Variants in RRM2 observed in about 807,000 individuals in gnomAD.
RRM2 encodes ribonucleotide reductase regulatory subunit M2, also known as ribonucleoside-diphosphate reductase subunit M2.
A neutral mutation model predicts 45.9 loss-of-function variants in RRM2; 6 were observed. The observed-to-expected ratio is 0.13, with a 90% CI of 0.07 to 0.26. The LOEUF is 0.26. Ranked by LOEUF, RRM2 falls within the 10% of genes least tolerant of loss-of-function variation. The pLI is 1.00. For synonymous variants in RRM2, 177 were observed against 173.0 expected (o/e 1.02, Z -0.18); for missense variants, 343 against 489.5 (o/e 0.70, Z 2.82).
intron 3 of RRM2, among the ~76,000 whole-genome samples, chr2:10,190,587 ATGGTGG>A (rs1251873238): frequency 1.3e-4 from 20 of 148,368 alleles, no homozygotes; most frequent in African/African-American, 3.8e-4. Context: ...GATCATGGTG[ATGGTGG>A]TGATGTTGGC....
intron 3 of RRM2, among the ~76,000 whole-genome samples, chr2:10,147,492 G>A (rs988785867): frequency 6.6e-6 from 1 of 151,374 alleles, no homozygotes; most frequent in South Asian, 2.1e-4. Flanking sequence ...TGTTGCCCAG[G>A]CAACAAGCAA....
chr2:10,135,351 T>C (rs562654792), downstream of RRM2, among the ~76,000 whole-genome samples: 1 of 152,276 alleles, frequency 6.6e-6, no homozygotes, highest in African/African-American at 2.4e-5. Context: ...TAATGGACGC[T>C]GCAGAGGGAT....
intron 3 of RRM2, among the ~76,000 whole-genome samples, chr2:10,207,741 C>G (rs932734602): frequency 2.6e-5 from 4 of 152,164 alleles, no homozygotes; most frequent in Non-Finnish European, 4.4e-5. Context: ...CAGCTCTCCC[C>G]CATTAAATGT....
In RRM2 at chr2:10,199,800, A is replaced by AAAC. The variant is rs1553329434; in HGVS notation, n.483-10509_483-10508insCAA. Among the ~76,000 whole-genome samples, 142 of 97,878 alleles carry AAAC rather than the reference A, an allele frequency of 1.5e-3. 13 individuals carry two copies. Among genetic ancestry groups the AAAC allele is most frequent in the African/African-American group, 5.1e-3 (126 of 24,806 alleles). 64.2% of individuals were successfully genotyped at this position (97,878 alleles called of 152,430 possible). ...GTCTCAAAAAAAAAAAAAAAAAAAA[A>AAAC]AAAAAAAAACAAATCATGGTATGAC... On this transcript the variant is annotated intron_variant and non_coding_transcript_variant, in intron 3 of 3. Coordinates refer to the RRM2 transcript ENST00000381786.
intron 3 of RRM2, among the ~76,000 whole-genome samples, chr2:10,164,043 AAT>A (rs559201243): frequency 1.4e-3 from 213 of 151,756 alleles, no homozygotes; most frequent in Middle Eastern, 3.4e-3. Flanking sequence ...TGTGAGTGTG[AAT>A]ATGTGTGTGT....
intron 5 of RRM2, 62 bp downstream of exon 5, chr2:10,124,912 T>C: frequency 6.8e-7 from 1 of 1,480,970 alleles, no homozygotes; most frequent in Non-Finnish European, 9.2e-7. Flanking sequence ...TTATTACACA[T>C]TTTTAGTTCA....
Position 10,127,025 on chromosome 2 carries a change from C to T in RRM2, c.664+56C>T. On this transcript the variant is annotated intron_variant, in intron 6 of 9. Transcript: ENST00000304567. This position sits in a 1 kb window ranked among gnomAD's most constrained non-coding sequence, Gnocchi z 4.1. The stretch of plus-strand genomic sequence containing the variant: ...GAGCTTCATTTTCCAAGTAATGTTA[C>T]TGGATTTTTGGCCCTTGAATACCAA... 1 of 1,610,858 alleles carries T rather than the reference C, an allele frequency of 6.2e-7. No homozygotes were observed. Among genetic ancestry groups the T allele is most frequent in the Non-Finnish European group, 8.5e-7 (1 of 1,177,344 alleles).
chr2:10,137,395 T>C (rs937559706), upstream of RRM2, among the ~76,000 whole-genome samples: 22 of 152,250 alleles, frequency 1.4e-4, no homozygotes, highest in Admixed American at 6.5e-5. Flanking sequence ...GGTTTGGTCA[T>C]GCCTACACTC....
At chr2:10,207,877 C>T (rs1664693548) in intron 3 of RRM2, among the ~76,000 whole-genome samples, 1 of 149,784 alleles carries the variant, frequency 6.7e-6, no homozygotes. Flanking sequence ...AAAAGCCTTC[C>T]TCTCCTTTGG....
chr2:10,145,643 C>T lies in RRM2; in HGVS notation n.482+3268C>T, dbSNP rs141584925. ...CAGACAGTGGGCCTGGGGCAGACCCCAGGGACTCCGCAGTGAAGACCCCAC... is the reference window on the plus strand; with the variant it reads ...CAGACAGTGGGCCTGGGGCAGACCCTAGGGACTCCGCAGTGAAGACCCCAC... On this transcript the variant is annotated intron_variant and non_coding_transcript_variant, in intron 3 of 3. Coordinates refer to the RRM2 transcript ENST00000381786. 5.1e-3 allele frequency: 779 copies of T among 152,290 alleles called. 9 individuals carry two copies. Among genetic ancestry groups the T allele is most frequent in the Middle Eastern group, 0.024 (7 of 292 alleles). The allele number at this position is 152,290 out of a possible 1,614,324, so 9.4% of individuals were successfully genotyped here.
At position 10,172,286 on chromosome 2, in the gene RRM2, G is replaced by A. The variant is rs1253815132; in HGVS notation, n.482+29911G>A. Among the ~76,000 whole-genome samples the A allele has an allele frequency of 6.6e-6, 1 of 152,158 alleles. No homozygotes were observed. On this transcript the variant is annotated intron_variant and non_coding_transcript_variant, in intron 3 of 3. Coordinates refer to the RRM2 transcript ENST00000381786. This position sits in a 1 kb window ranked among gnomAD's most constrained non-coding sequence, Gnocchi z 4.9. ...GTCGGATGAGATGAAGGAGGCTGGGGCTGGCACCGTGGTGGTCCCTGGGCT... is the reference window on the plus strand; with the variant it reads ...GTCGGATGAGATGAAGGAGGCTGGGACTGGCACCGTGGTGGTCCCTGGGCT...
At chr2:10,124,276 C>G (rs1396926542) in intron 4 of RRM2, among the ~76,000 whole-genome samples, 1 of 152,026 alleles carries the variant, frequency 6.6e-6, no homozygotes, top group Admixed American at 6.6e-5. Context: ...TAGCTAATAT[C>G]TGTATTTTTA....
rs149411413 is a variant in RRM2, at chr2:10,205,318, G to A, written n.483-4993G>A. ...TGTGATATCTGCGGCCAGTGCCCTC[G>A]GTATGTCCCACTCAGCATCCTCCCC... On this transcript the variant is annotated intron_variant and non_coding_transcript_variant, in intron 3 of 3. Transcript: ENST00000381786. This position sits in a 1 kb window ranked among gnomAD's most constrained non-coding sequence, Gnocchi z 4.8. 4.6e-4 allele frequency among the ~76,000 whole-genome samples: 70 copies of A among 152,268 alleles called. No individual in the cohort carries two copies. Among genetic ancestry groups the A allele is most frequent in the African/African-American group, 1.6e-3 (68 of 41,530 alleles).
rs73914002 is a variant in RRM2 at position 10,192,468 on chromosome 2, G to T, written n.483-17843G>T. On this transcript the variant is annotated intron_variant and non_coding_transcript_variant, in intron 3 of 3. Transcript: ENST00000381786. ...AACACACTTTGGGAAGCCTTCCCAC[G>T]CAGGACAGAGGTCTCTCTGCCGGGC... 1,148 of 154,394 alleles carry T rather than the reference G, an allele frequency of 7.4e-3. 18 individuals are homozygous for T. The highest frequency in any genetic ancestry group is 0.026 in the African/African-American group (1,078 of 41,610). 9.6% of individuals were successfully genotyped at this position (154,394 alleles called of 1,614,324 possible).
At chr2:10,123,664 G>C (rs1372180511) in intron 3 of RRM2, 72 bp from the exon 4 acceptor site, 1 of 1,408,678 alleles carries the variant, frequency 7.1e-7, no homozygotes, top group Non-Finnish European at 9.9e-7. Context: ...CTTAAAGTTT[G>C]AGTGCTCAGT....
chr2:10,184,153 C>T (rs113589534), intron 3 of RRM2, among the ~76,000 whole-genome samples: 1 of 150,658 alleles, frequency 6.6e-6, no homozygotes. Flanking sequence ...TTCCTAGCCC[C>T]GGCTCCACTG....
chr2:10,175,452 A>T (rs1208660780), intron 3 of RRM2, among the ~76,000 whole-genome samples: 1 of 152,224 alleles, frequency 6.6e-6, no homozygotes, highest in Non-Finnish European at 1.5e-5. Flanking sequence ...ATAATGTTGT[A>T]TAACCATCAC....
chr2:10,147,759 A>G (rs1214968508), intron 3 of RRM2, among the ~76,000 whole-genome samples: 1 of 152,120 alleles, frequency 6.6e-6, no homozygotes, highest in Non-Finnish European at 1.5e-5. Context: ...ATTTTAGATT[A>G]TATTTCTTAG....
At chr2:10,136,418 G>T (rs1662990798), downstream of RRM2, among the ~76,000 whole-genome samples, 2 of 152,168 alleles carry the variant, frequency 1.3e-5, no homozygotes, top group Admixed American at 1.3e-4. Context: ...TCTGTGTTGG[G>T]TGTGGGTGTG....
Sources: allele counts gnomAD v4.1 joint callset (sites outside exome capture counted in the v4.1 genomes callset), GRCh38; gene constraint gnomAD v4.1.1; non-coding constraint Gnocchi (gnomAD v3.1); transcripts MANE v1.5; gene names NCBI Gene and HGNC (gene_info 2026-07-23, HGNC 2026-07-21).